DCAF8L2: variants seen among roughly 807,000 people sequenced by gnomAD.
The protein encoded by DCAF8L2 is DDB1- and CUL4-associated factor 8-like protein 2.
For missense variants in DCAF8L2, 430 were observed against 490.7 expected (o/e 0.88, Z 1.17); for synonymous variants, 200 against 190.9 (o/e 1.05, Z -0.39).
intron 1 of DCAF8L2, among the ~76,000 whole-genome samples, chrX:27,621,476 A>C (rs1253957253): frequency 9.0e-6 from 1 of 111,720 alleles, no homozygotes; most frequent in African/African-American, 3.3e-5. Context: ...AAAAAAATTG[A>C]ACCAACACTT....
At chrX:27,533,966 T>C in the DCAF8L2 span, among the ~76,000 whole-genome samples, 3 of 111,804 alleles carry the variant, frequency 2.7e-5, no homozygotes, top group African/African-American at 9.8e-5. Context: ...CCCAGCACTC[T>C]GGGGGACCGA....
intron 3 of DCAF8L2, among the ~76,000 whole-genome samples, chrX:27,715,688 T>A (rs754559219): frequency 8.9e-6 from 1 of 111,792 alleles, no homozygotes; most frequent in Non-Finnish European, 1.9e-5. Flanking sequence ...GAGGGGAAGT[T>A]ATTGATGCAA....
chrX:27,602,334 T>C lies in DCAF8L2; in HGVS notation c.-342+11894T>C, dbSNP rs764863197. Among the ~76,000 whole-genome samples, 3 of 112,041 alleles carry C rather than the reference T, an allele frequency of 2.7e-5. No individual in the cohort carries two copies. In the East Asian group the frequency reaches 8.4e-4, roughly 31 times the overall value. ...ATAGGAGTGAGCCACCGCGCCTGGC[T>C]GAACTTTTGTTTTTAGTAGTGTTGA... On this transcript the variant is annotated intron_variant, in intron 1 of 4. Coordinates refer to ENST00000451261, the MANE Select transcript of DCAF8L2 (RefSeq NM_001353450.2).
intron 2 of DCAF8L2, among the ~76,000 whole-genome samples, chrX:27,673,703 A>G (rs541909747): frequency 1.7e-3 from 179 of 106,735 alleles, no homozygotes; most frequent in African/African-American, 5.3e-3. Flanking sequence ...GGTTGTGTGT[A>G]TATATATATA....
chrX:27,562,040 T>G, the DCAF8L2 span, among the ~76,000 whole-genome samples: 3 of 111,853 alleles, frequency 2.7e-5, no homozygotes, highest in East Asian at 8.5e-4. Flanking sequence ...AATATGAAGG[T>G]TTCAGTTTTT....
At chrX:27,528,478 A>G in the DCAF8L2 span, among the ~76,000 whole-genome samples, 55 of 78,511 alleles carry the variant, frequency 7.0e-4, no homozygotes, top group African/African-American at 3.0e-3. Flanking sequence ...GTGTATGTGT[A>G]TATATATATA....
the DCAF8L2 span, among the ~76,000 whole-genome samples, chrX:27,486,551 C>T: frequency 3.5e-3 from 390 of 111,340 alleles, 7 homozygotes; most frequent in South Asian, 6.0e-3. Context: ...ATGTTCAGTT[C>T]AATGATTTTT....
chrX:27,472,210 G>T, the DCAF8L2 span, among the ~76,000 whole-genome samples: 1 of 111,118 alleles, frequency 9.0e-6, no homozygotes, highest in African/African-American at 3.3e-5. Context: ...AAATCATCAA[G>T]TTAGACTCTT....
intron 2 of DCAF8L2, among the ~76,000 whole-genome samples, chrX:27,654,560 C>T (rs776357018): frequency 1.8e-5 from 2 of 111,916 alleles, no homozygotes; most frequent in South Asian, 7.3e-4. Flanking sequence ...GCTGTGGCAA[C>T]TAGAAGGTTA....
At chrX:27,615,125 C>T (rs939048152) in intron 1 of DCAF8L2, among the ~76,000 whole-genome samples, 8 of 111,157 alleles carry the variant, frequency 7.2e-5, no homozygotes, top group East Asian at 5.7e-4. Context: ...AAAAGGAAGA[C>T]GTGCCCCTTG....
chrX:27,487,769 T>C, the DCAF8L2 span, among the ~76,000 whole-genome samples: 3 of 112,034 alleles, frequency 2.7e-5, no homozygotes, highest in African/African-American at 9.7e-5. Flanking sequence ...TTGAACCTGT[T>C]TGCAGTCACT....
intron 3 of DCAF8L2, among the ~76,000 whole-genome samples, chrX:27,705,572 G>A (rs1931315701): frequency 9.0e-6 from 1 of 110,819 alleles, no homozygotes; most frequent in African/African-American, 3.3e-5. Flanking sequence ...TCATATGCTT[G>A]TTGGCTGCAT....
At chrX:27,667,389 C>T (rs1159587240) in intron 2 of DCAF8L2, among the ~76,000 whole-genome samples, 1 of 110,907 alleles carries the variant, frequency 9.0e-6, no homozygotes, top group Non-Finnish European at 1.9e-5. Flanking sequence ...TTTTAATAAC[C>T]CCCAAATAAA....
chrX:27,603,033 G>A (rs990001842), intron 1 of DCAF8L2, among the ~76,000 whole-genome samples: 7 of 111,361 alleles, frequency 6.3e-5, no homozygotes, highest in African/African-American at 2.3e-4. Flanking sequence ...TCTTTATAAT[G>A]ACAAAATTAC....
chrX:27,646,869 A>T (rs904378731), intron 2 of DCAF8L2, among the ~76,000 whole-genome samples: 2 of 111,881 alleles, frequency 1.8e-5, no homozygotes, highest in East Asian at 5.6e-4. Flanking sequence ...ATACCATCTC[A>T]TGCCACTCAG....
At chrX:27,714,525 G>C (rs1931631625) in intron 3 of DCAF8L2, among the ~76,000 whole-genome samples, 1 of 111,613 alleles carries the variant, frequency 9.0e-6, no homozygotes, top group Admixed American at 9.5e-5. Flanking sequence ...GCTTAGTTTA[G>C]TAGAGAAATG....
At chrX:27,741,660 GTA>G (rs1171671204) in intron 4 of DCAF8L2, among the ~76,000 whole-genome samples, 1 of 111,707 alleles carries the variant, frequency 9.0e-6, no homozygotes, top group East Asian at 2.8e-4. Flanking sequence ...TTTCAGAGGT[GTA>G]TGAGGAGTGA....
chrX:27,537,095 G>T, the DCAF8L2 span, among the ~76,000 whole-genome samples: 1 of 111,631 alleles, frequency 9.0e-6, no homozygotes, highest in East Asian at 2.8e-4. Flanking sequence ...TGTATAGTTG[G>T]CATATTTTAA....
At chrX:27,592,926 G>A (rs1373462133) in intron 1 of DCAF8L2, among the ~76,000 whole-genome samples, 2 of 109,516 alleles carry the variant, frequency 1.8e-5, no homozygotes, top group Non-Finnish European at 3.8e-5. Context: ...AGCCTCTCAA[G>A]TAGCTGGGAT....
Sources: allele counts gnomAD v4.1 joint callset (sites outside exome capture counted in the v4.1 genomes callset), GRCh38; gene constraint gnomAD v4.1.1; transcripts MANE v1.5; gene names NCBI Gene and HGNC (gene_info 2026-07-23, HGNC 2026-07-21).